Variants in NEB observed in about 807,000 individuals in gnomAD.
NEB encodes nebulin.
NEB carries 512 observed loss-of-function variants against 952.2 expected under a neutral mutation model. The observed-to-expected ratio is 0.54, with a 90% CI of 0.50 to 0.58. NEB has a LOEUF of 0.58. Among genes scored for constraint, NEB ranks in the 20% least tolerant of loss-of-function variants. NEB has a pLI of 0.00. For missense variants in NEB, 8,428 were observed against 9,231.1 expected, an observed-to-expected ratio of 0.91 and a Z score of 3.56; for synonymous variants, 2,900 against 3,149.8, an observed-to-expected ratio of 0.92 and a Z score of 2.66.
rs886042521 is a variant in NEB at position 151,677,744 on chromosome 2, AGTT to A, written c.3592_3594del (p.Asn1198del). On this transcript the variant is annotated inframe_deletion, in exon 34 of 182. Coordinates refer to ENST00000397345, the MANE Select transcript of NEB (RefSeq NM_001164508.2). ...GGAATCCAGCCAATGCCTTTCATCCAGTTGTTGTAGTCTTCCTTGTAGACGTTC... is the reference window on the plus strand; with the variant it reads ...GGAATCCAGCCAATGCCTTTCATCCAGTTGTAGTCTTCCTTGTAGACGTTC... The A allele has an allele frequency of 1.5e-5, 24 of 1,613,854 alleles. No homozygotes were observed. In the Middle Eastern group the frequency reaches 4.9e-4, roughly 33 times the overall value.
At position 151,684,865 on chromosome 2, in the gene NEB, A is replaced by G. The variant is rs765482394; in HGVS notation, c.2748T>C (p.Asp916=). 6 of 1,613,256 alleles carry G rather than the reference A, an allele frequency of 3.7e-6. No individual in the cohort carries two copies. The highest frequency in any genetic ancestry group is 1.3e-5 in the African/African-American group (1 of 74,932). The change falls in exon 28 of 182, where the codon GAT becomes GAC. Residue 916 remains aspartate, a synonymous_variant. Coordinates refer to ENST00000397345, the MANE Select transcript of NEB (RefSeq NM_001164508.2). ...TGTAACTGTGTAAGATGTGCTTATAATCAACGTCGCTGGCAATTGCCTGAG... is the reference window on the plus strand; with the variant it reads ...TGTAACTGTGTAAGATGTGCTTATAGTCAACGTCGCTGGCAATTGCCTGAG... ...KKSQAIASDV[D]YKHILHSYSY...
At chr2:151,499,440 C>A (rs1213514685) in intron 168 of NEB, 50 bp from the exon 169 acceptor site, 2 of 983,530 alleles carry the variant, frequency 2.0e-6, no homozygotes, top group East Asian at 5.3e-5. Context: ...GTCAAAACAG[C>A]CCTTTCATCT....
At chr2:151,499,544 A>G (rs2062854754) in intron 168 of NEB, 154 bp from the exon 169 acceptor site, 1 of 521,934 alleles carries the variant, frequency 1.9e-6, no homozygotes. Context: ...GATCTGGGTG[A>G]GAACATGTTT....
Position 151,644,112 on chromosome 2 carries a change from G to T in NEB, c.7662C>A (p.Gly2554=), listed in dbSNP as rs1202179826. ...TGTGGTGGCCGAGCTGCTTGCGAAAGCCTTCCTTGTACTTGTACTAGAGAA... is the reference window on the plus strand; with the variant it reads ...TGTGGTGGCCGAGCTGCTTGCGAAATCCTTCCTTGTACTTGTACTAGAGAA... ...EIASEYKYKE[G]FRKQLGHHIG... Residue 2554 remains glycine, a synonymous_variant, in exon 57 of 182, where the codon GGC becomes GGA. Transcript: ENST00000397345. 6.2e-7 allele frequency: 1 copy of T among 1,613,658 alleles called. No homozygotes were observed. Among genetic ancestry groups the T allele is most frequent in the African/African-American group, 1.3e-5 (1 of 74,900 alleles).
At chr2:151,542,124 T>C (rs901827444) in intron 135 of NEB, among the ~76,000 whole-genome samples, 1 of 152,222 alleles carries the variant, frequency 6.6e-6, no homozygotes, top group South Asian at 2.1e-4. Flanking sequence ...CTGTAGCAAC[T>C]GAAGCTGCTC....
chr2:151,625,672 A>C, intron 70 of NEB, 34 bp from the exon 71 acceptor site: 12 of 1,443,642 alleles, frequency 8.3e-6, no homozygotes, highest in Non-Finnish European at 1.0e-5. Flanking sequence ...GAATTAGAAA[A>C]ACAGTTTGTT....
intron 65 of NEB, among the ~76,000 whole-genome samples, 152 bp downstream of exon 65, chr2:151,633,502 T>C (rs986586525): frequency 4.6e-5 from 7 of 152,252 alleles, no homozygotes; most frequent in Non-Finnish European, 8.8e-5. Flanking sequence ...TATTAGTGTA[T>C]TCATAATAAA....
intron 172 of NEB, 73 bp from the exon 173 acceptor site, chr2:151,496,441 G>A: frequency 6.6e-7 from 1 of 1,507,686 alleles, no homozygotes; most frequent in Non-Finnish European, 9.0e-7. Context: ...TTAAGGGTAA[G>A]GTCAACTTCC....
chr2:151,612,524 G>T, intron 77 of NEB, 135 bp from the exon 78 acceptor site: 1 of 892,516 alleles, frequency 1.1e-6, no homozygotes, highest in Non-Finnish European at 1.7e-6. Context: ...CCACAGGATT[G>T]CTTTACTTTG....
At position 151,640,107 on chromosome 2, in the gene NEB, G is replaced by C. The variant is rs770305737; in HGVS notation, c.8686-47C>G. On this transcript the variant is annotated intron_variant, in intron 61 of 181. Coordinates refer to ENST00000397345, the MANE Select transcript of NEB (RefSeq NM_001164508.2). ...AAATATTTATCTCTGTATCAGCAATGCATTTTCATCTGAAGGATAAGAGAT... is the reference window on the plus strand; with the variant it reads ...AAATATTTATCTCTGTATCAGCAATCCATTTTCATCTGAAGGATAAGAGAT... 7.0e-6 allele frequency: 11 copies of C among 1,572,628 alleles called. No individual in the cohort carries two copies. The African/African-American group carries it at 1.2e-4, about 17-fold the overall frequency.
chr2:151,595,272 C>T (rs1324649721), intron 92 of NEB, among the ~76,000 whole-genome samples: 371 of 145,244 alleles, frequency 2.6e-3, no homozygotes, highest in African/African-American at 9.1e-3. Context: ...TTTTTTGAAA[C>T]GCAGTTTCAG....
intron 2 of NEB, among the ~76,000 whole-genome samples, 186 bp from the exon 3 acceptor site, chr2:151,733,371 C>T (rs1382432192): frequency 6.6e-6 from 1 of 152,160 alleles, no homozygotes; most frequent in Non-Finnish European, 1.5e-5. Context: ...ATTTCTTTCT[C>T]TTTATTCCTT....
At chr2:151,498,180 T>TCAAA (rs1559227785) in intron 170 of NEB, 80 bp downstream of exon 170, 18 of 1,546,364 alleles carry the variant, frequency 1.2e-5, no homozygotes, top group South Asian at 3.6e-5. Context: ...GAAATGGGCT[T>TCAAA]CAAACAAAAA....
rs952336807 is a variant in NEB, at chr2:151,691,919, G to A, written c.2156C>T (p.Pro719Leu). 19 of 1,608,002 alleles carry A rather than the reference G, an allele frequency of 1.2e-5. No homozygotes were observed. The highest frequency in any genetic ancestry group is 1.6e-5 in the Non-Finnish European group (19 of 1,176,468). Residue 719 changes from proline (P) to leucine (L), a missense_variant, in exon 23 of 182, where the codon CCT becomes CTT. Pro to Leu is a moderately conservative substitution (Grantham distance 98). This residue lies in a region of NEB where 2,851 missense variants were observed against 2,791.5 expected (regional missense o/e 1.02). Coordinates refer to ENST00000397345, the MANE Select transcript of NEB (RefSeq NM_001164508.2). ...YEEDKGKCYFPQTITQEYEAI... is the reference protein window; with the variant it reads ...YEEDKGKCYFLQTITQEYEAI... ...TTCATATTCTTGTGTTATTGTCTGA[G>A]GGAAATAGCATTTTCCTTTATCTTC... is the stretch of plus-strand genomic sequence containing the variant.
At chr2:151,686,156 T>C (rs1302160517) in intron 27 of NEB, among the ~76,000 whole-genome samples, 1 of 152,214 alleles carries the variant, frequency 6.6e-6, no homozygotes, top group South Asian at 2.1e-4. Flanking sequence ...TTTGAAGAAA[T>C]TGTTGTTACT....
At position 151,568,185 on chromosome 2, in the gene NEB, G is replaced by A. The variant is rs1160152565; in HGVS notation, c.17737-7C>T. On this transcript the variant is annotated splice_region_variant and splice_polypyrimidine_tract_variant and intron_variant, in intron 112 of 181. Transcript: ENST00000397345. ...AGCCTTCCTTGTAGAGATACTGAAAGACAGAGCCACCATAAAGGGTTAAAA... is the reference window on the plus strand; with the variant it reads ...AGCCTTCCTTGTAGAGATACTGAAAAACAGAGCCACCATAAAGGGTTAAAA... 1.2e-6 allele frequency: 2 copies of A among 1,610,814 alleles called. No individual in the cohort carries two copies. Among genetic ancestry groups the A allele is most frequent in the African/African-American group, 1.3e-5 (1 of 74,852 alleles).
At position 151,710,476 on chromosome 2, in the gene NEB, A is replaced by G. The variant is rs1286722317; in HGVS notation, c.885T>C (p.Phe295=). ...IKGKWSETPC[F]EVANARMNAD... is the part of the protein sequence containing the mutation. ...CATTCATTCTGGCATTTGCAACTTC[A>G]AAGCAAGGTGTCTCACTCCATTTGC... Residue 295 remains phenylalanine (F), a synonymous_variant, in exon 11 of 182, where the codon TTT becomes TTC. Transcript: ENST00000397345. The G allele has an allele frequency of 3.1e-6, 5 of 1,612,622 alleles. No homozygotes were observed. Among genetic ancestry groups the G allele is most frequent in the African/African-American group, 1.3e-5 (1 of 74,902 alleles).
At chr2:151,546,973 A>C (rs1296350993) in intron 133 of NEB, among the ~76,000 whole-genome samples, 4 of 152,132 alleles carry the variant, frequency 2.6e-5, no homozygotes, top group Non-Finnish European at 5.9e-5. Context: ...TTATTACTAT[A>C]ACATTGATTG....
At chr2:151,576,684 A>T (rs533428599) in intron 105 of NEB, among the ~76,000 whole-genome samples, 91 of 151,242 alleles carry the variant, frequency 6.0e-4, no homozygotes, top group Non-Finnish European at 9.3e-4. Context: ...GGCACGTGCC[A>T]TGATGCCTGT....
Sources: allele counts gnomAD v4.1 joint callset (sites outside exome capture counted in the v4.1 genomes callset), GRCh38; gene constraint gnomAD v4.1.1; regional missense constraint gnomAD v4.1.1; transcripts MANE v1.5; gene names NCBI Gene and HGNC (gene_info 2026-07-23, HGNC 2026-07-21).